ZEB1: variants seen among roughly 807,000 people sequenced by gnomAD.
ZEB1 encodes zinc finger E-box-binding homeobox 1.
In ZEB1, 21 loss-of-function variants were observed where a neutral mutation model predicts 84.9. The ratio of observed to expected loss-of-function variants is 0.25; its 90% CI spans 0.18 to 0.36. ZEB1 has a LOEUF of 0.36. Ranked by LOEUF, ZEB1 falls within the 10% of genes least tolerant of loss-of-function variation. ZEB1 has a pLI of 1.00. For missense variants in ZEB1, 1,104 were observed against 1,330.2 expected (o/e 0.83, Z 2.65); for synonymous variants, 420 against 471.1 (o/e 0.89, Z 1.41).
At chr10:31,442,601 T>C (rs1213821603) in intron 1 of ZEB1, among the ~76,000 whole-genome samples, 1 of 150,402 alleles carries the variant, frequency 6.6e-6, no homozygotes, top group Non-Finnish European at 1.5e-5. Context: ...AGCTATCAAG[T>C]AGATAATTTG....
At chr10:31,512,137 G>A (rs1049577951) in intron 5 of ZEB1, among the ~76,000 whole-genome samples, 1 of 152,068 alleles carries the variant, frequency 6.6e-6, no homozygotes, top group African/African-American at 2.4e-5. Context: ...ATACCTTAGC[G>A]CTGTGATGTG....
intron 8 of ZEB1, among the ~76,000 whole-genome samples, chr10:31,524,350 C>G (rs1326934364): frequency 6.6e-6 from 1 of 152,030 alleles, no homozygotes; most frequent in Non-Finnish European, 1.5e-5. Context: ...TCCTGAGTAG[C>G]TGGGACTATA....
At chr10:31,368,750 T>G (rs923567119) in intron 1 of ZEB1, among the ~76,000 whole-genome samples, 2 of 152,216 alleles carry the variant, frequency 1.3e-5, no homozygotes, top group Non-Finnish European at 2.9e-5. Flanking sequence ...GATAAGAATA[T>G]TTTGTTCCCT....
At chr10:31,486,154 C>G (rs1185257842) in intron 2 of ZEB1, among the ~76,000 whole-genome samples, 6 of 151,702 alleles carry the variant, frequency 4.0e-5, no homozygotes. Flanking sequence ...TGGGTTGTTT[C>G]CAATTTACGG....
intron 2 of ZEB1, among the ~76,000 whole-genome samples, chr10:31,490,238 C>T (rs1591807307): frequency 1.3e-5 from 2 of 151,518 alleles, no homozygotes; most frequent in Non-Finnish European, 3.0e-5. Flanking sequence ...ATGTCTTTCA[C>T]TAAATTTGGG....
At chr10:31,343,254 C>T (rs2039717415) in intron 1 of ZEB1, among the ~76,000 whole-genome samples, 1 of 152,000 alleles carries the variant, frequency 6.6e-6, no homozygotes, top group African/African-American at 2.4e-5. Flanking sequence ...TTAAGTTAAT[C>T]ATTTTTAGAA....
intron 2 of ZEB1, 34 bp downstream of exon 2, chr10:31,461,271 T>G: frequency 6.4e-7 from 1 of 1,561,802 alleles, no homozygotes; most frequent in Non-Finnish European, 8.7e-7. Context: ...TATTGTATTC[T>G]CATGATTCGT....
intron 1 of ZEB1, 151 bp downstream of exon 1, chr10:31,319,443 CCCCCTCCGCTG>C (rs1194506072): frequency 1.4e-6 from 1 of 728,888 alleles, no homozygotes; most frequent in Non-Finnish European, 2.3e-6. Context: ...TGCTCTCTGC[CCCCCTCCGCTG>C]CCGCCGCTGC....
At chr10:31,400,615 G>C (rs1386116583) in intron 1 of ZEB1, among the ~76,000 whole-genome samples, 1 of 151,928 alleles carries the variant, frequency 6.6e-6, no homozygotes. Context: ...TAGTCATTTA[G>C]TACAGTAGGA....
At chr10:31,396,358 C>G (rs972449548) in intron 1 of ZEB1, among the ~76,000 whole-genome samples, 3 of 152,142 alleles carry the variant, frequency 2.0e-5, no homozygotes, top group Non-Finnish European at 4.4e-5. Flanking sequence ...TATTATATGA[C>G]TCGCTGTTTT....
At chr10:31,438,827 G>C (rs574437169) in intron 1 of ZEB1, among the ~76,000 whole-genome samples, 43 of 152,308 alleles carry the variant, frequency 2.8e-4, no homozygotes, top group African/African-American at 1.0e-3. Context: ...CTGGGTGACA[G>C]AGTGAGACCT....
chr10:31,519,651 AATT>A (rs1427905628), intron 6 of ZEB1, among the ~76,000 whole-genome samples: 4 of 152,178 alleles, frequency 2.6e-5, no homozygotes, highest in African/African-American at 9.7e-5. Flanking sequence ...TGGGTACAGG[AATT>A]ATTATTAATC....
At chr10:31,443,166 G>A (rs998989544) in intron 1 of ZEB1, among the ~76,000 whole-genome samples, 3 of 152,130 alleles carry the variant, frequency 2.0e-5, no homozygotes, top group African/African-American at 7.2e-5. Context: ...TGTTTATTGG[G>A]CATTCATTTT....
chr10:31,443,681 C>A (rs1003768408), intron 1 of ZEB1, among the ~76,000 whole-genome samples: 13 of 149,384 alleles, frequency 8.7e-5, no homozygotes, highest in Middle Eastern at 3.4e-3. Context: ...TTTGTTCTTG[C>A]GATAGTTTAC....
intron 2 of ZEB1, among the ~76,000 whole-genome samples, chr10:31,481,355 G>T (rs1163636307): frequency 6.6e-6 from 1 of 151,982 alleles, no homozygotes. Context: ...GTGACACCCA[G>T]TAGTAGTGAA....
At chr10:31,381,530 T>G (rs1262057449) in intron 1 of ZEB1, among the ~76,000 whole-genome samples, 1 of 152,218 alleles carries the variant, frequency 6.6e-6, no homozygotes, top group Non-Finnish European at 1.5e-5. Flanking sequence ...GTAAGATTTT[T>G]GGGTTTAACC....
At chr10:31,318,805 G>A (rs2032858594), upstream of ZEB1, 2 of 320,948 alleles carry the variant, frequency 6.2e-6, no homozygotes, top group South Asian at 5.2e-5. Flanking sequence ...ACAGGGTACA[G>A]GGAGAATCAG....
intron 1 of ZEB1, among the ~76,000 whole-genome samples, chr10:31,345,359 T>C (rs2133711213): frequency 6.6e-6 from 1 of 152,266 alleles, no homozygotes; most frequent in African/African-American, 2.4e-5. Context: ...AGTAGAAACA[T>C]TAATTTTACG....
intron 1 of ZEB1, among the ~76,000 whole-genome samples, chr10:31,409,164 A>G (rs2053736246): frequency 6.6e-6 from 1 of 152,234 alleles, no homozygotes; most frequent in African/African-American, 2.4e-5. Flanking sequence ...ATCACTGGCC[A>G]TCAGAGAAAT....
Sources: gnomAD v4.1 joint callset for allele counts (sites outside exome capture counted in the v4.1 genomes callset) on GRCh38, gnomAD v4.1.1 for gene constraint, MANE v1.5 for transcripts, NCBI Gene and HGNC (gene_info 2026-07-23, HGNC 2026-07-21) for gene names.